GRIP1: variants seen among roughly 807,000 people sequenced by gnomAD.
The protein encoded by GRIP1 is glutamate receptor interacting protein 1.
GRIP1 carries 45 observed loss-of-function variants against 129.9 expected under a neutral mutation model. The observed-to-expected ratio is 0.35, with a 90% CI of 0.27 to 0.44. The LOEUF (loss-of-function observed/expected upper bound fraction) is 0.44, where lower values mean the gene tolerates loss of function less well. Ranked by LOEUF, GRIP1 falls within the 20% of genes least tolerant of loss-of-function variation. The pLI is 1.00. For missense variants in GRIP1, 1,196 were observed against 1,396.8 expected (o/e 0.86, Z 2.29); for synonymous variants, 530 against 520.8 (o/e 1.02, Z -0.24).
At chr12:66,730,058 T>C (rs2036384433) in intron 1 of GRIP1, among the ~76,000 whole-genome samples, 1 of 152,194 alleles carries the variant, frequency 6.6e-6, no homozygotes, top group African/African-American at 2.4e-5. Flanking sequence ...GAAAACTCTG[T>C]CTCCAATGCT....
At chr12:66,577,308 A>G (rs1047745829) in intron 2 of GRIP1, among the ~76,000 whole-genome samples, 28 of 152,230 alleles carry the variant, frequency 1.8e-4, no homozygotes, top group Non-Finnish European at 4.0e-4. Flanking sequence ...ACAGAGATGT[A>G]AAAAAGCAGG....
At chr12:66,936,353 G>C (rs2041483981) in intron 1 of GRIP1, among the ~76,000 whole-genome samples, 1 of 150,702 alleles carries the variant, frequency 6.6e-6, no homozygotes, top group African/African-American at 2.4e-5. Context: ...TTGAGCCCAG[G>C]AGGTAGAGGC....
chr12:66,889,998 C>T (rs1003950293), intron 1 of GRIP1, among the ~76,000 whole-genome samples: 26 of 151,990 alleles, frequency 1.7e-4, no homozygotes, highest in African/African-American at 3.9e-4. Flanking sequence ...GGTGTAATCA[C>T]GGCTCAATGT....
chr12:66,407,183 CTTT>C (rs1036064824), intron 15 of GRIP1, among the ~76,000 whole-genome samples: 7 of 152,150 alleles, frequency 4.6e-5, no homozygotes, highest in African/African-American at 1.7e-4. Flanking sequence ...CCCTTCCCTT[CTTT>C]TAAGTTACCC....
intron 1 of GRIP1, among the ~76,000 whole-genome samples, chr12:66,618,258 C>T (rs140184636): frequency 4.8e-4 from 73 of 152,224 alleles, no homozygotes; most frequent in African/African-American, 4.8e-5. Flanking sequence ...GTGGAAGCAG[C>T]GAAGTGCAGA....
chr12:66,634,055 T>C (rs529147567), intron 1 of GRIP1, among the ~76,000 whole-genome samples: 3 of 152,354 alleles, frequency 2.0e-5, no homozygotes, highest in African/African-American at 7.2e-5. Context: ...CTTTGTGTGT[T>C]GTGTTATACT....
intron 1 of GRIP1, among the ~76,000 whole-genome samples, chr12:66,951,408 A>ATGT (rs1566091944): frequency 7.2e-5 from 11 of 152,168 alleles, no homozygotes; most frequent in Non-Finnish European, 1.6e-4. Context: ...GCAGGAGGCA[A>ATGT]CAGGGCACAT....
intron 1 of GRIP1, among the ~76,000 whole-genome samples, chr12:66,695,512 G>C (rs530542809): frequency 1.3e-5 from 2 of 152,144 alleles, no homozygotes; most frequent in Non-Finnish European, 2.9e-5. Context: ...ACCACTAATG[G>C]GATTGATCCA....
In GRIP1 at chr12:66,782,216, C is replaced by T. The variant is rs117844473; in HGVS notation, c.-420+21837G>A. Among the ~76,000 whole-genome samples the T allele has an allele frequency of 4.4e-4, 67 of 152,160 alleles. No homozygotes were observed. In the East Asian group the frequency reaches 0.012, roughly 28 times the overall value. On this transcript the variant is annotated intron_variant, in intron 1 of 4. Coordinates refer to the GRIP1 transcript ENST00000538373. ...ATAAATGTTACACTTCAATAAAAAT[C>T]CTATATAGAAATGAACAGGTTTGTG...
chr12:66,396,557 C>T (rs956650997), intron 16 of GRIP1, among the ~76,000 whole-genome samples: 3 of 152,174 alleles, frequency 2.0e-5, no homozygotes, highest in Admixed American at 2.0e-4. Flanking sequence ...TAGTCTGTTT[C>T]AGGCTGCCTT....
intron 1 of GRIP1, among the ~76,000 whole-genome samples, chr12:66,604,338 T>C (rs1296764015): frequency 6.6e-6 from 1 of 152,246 alleles, no homozygotes; most frequent in Non-Finnish European, 1.5e-5. Flanking sequence ...GCCTCTGGCA[T>C]TCCTATTCCT....
At chr12:66,993,650 G>A (rs1188067325) in intron 1 of GRIP1, among the ~76,000 whole-genome samples, 2 of 151,824 alleles carry the variant, frequency 1.3e-5, no homozygotes, top group Non-Finnish European at 2.9e-5. Flanking sequence ...AATTAGCTGG[G>A]CATAGTGGTG....
intron 1 of GRIP1, among the ~76,000 whole-genome samples, chr12:66,837,709 G>C (rs1294555291): frequency 6.6e-6 from 1 of 152,216 alleles, no homozygotes; most frequent in African/African-American, 2.4e-5. Flanking sequence ...GCTGAAGAAA[G>C]TCTGTAGGGA....
chr12:66,776,898 TTAAAAA>T (rs1252320539), intron 1 of GRIP1, among the ~76,000 whole-genome samples: 3 of 151,958 alleles, frequency 2.0e-5, no homozygotes, highest in Non-Finnish European at 4.4e-5. Flanking sequence ...TCTAGAAAAA[TTAAAAA>T]TAGACATTGT....
chr12:67,009,432 A>T (rs1176823125), intron 1 of GRIP1, among the ~76,000 whole-genome samples: 1 of 152,166 alleles, frequency 6.6e-6, no homozygotes, highest in Non-Finnish European at 1.5e-5. Context: ...AAAGCAAAAC[A>T]GCTAGGAAGC....
intron 1 of GRIP1, among the ~76,000 whole-genome samples, chr12:66,857,597 A>G (rs2040030012): frequency 2.6e-5 from 4 of 151,786 alleles, no homozygotes; most frequent in Non-Finnish European, 5.9e-5. Context: ...GTTTTCCTCA[A>G]GCACAGAATT....
chr12:66,621,777 A>G (rs1322192835), intron 1 of GRIP1, among the ~76,000 whole-genome samples: 1 of 152,094 alleles, frequency 6.6e-6, no homozygotes, highest in Non-Finnish European at 1.5e-5. Flanking sequence ...CTGTTTTTTA[A>G]TAGCCATCCT....
chr12:66,691,865 GA>G (rs2034993746), intron 1 of GRIP1, among the ~76,000 whole-genome samples: 1 of 152,108 alleles, frequency 6.6e-6, no homozygotes, highest in South Asian at 2.1e-4. Context: ...CATGCTAATG[GA>G]AATGCACCAA....
At chr12:66,525,584 G>A (rs1380607413) in intron 5 of GRIP1, among the ~76,000 whole-genome samples, 1 of 151,292 alleles carries the variant, frequency 6.6e-6, no homozygotes, top group Non-Finnish European at 1.5e-5. Context: ...ATACTGAATG[G>A]GCAAAAACTG....
Sources: allele counts gnomAD v4.1 joint callset (sites outside exome capture counted in the v4.1 genomes callset), GRCh38; gene constraint gnomAD v4.1.1; transcripts MANE v1.5; gene names NCBI Gene and HGNC (gene_info 2026-07-23, HGNC 2026-07-21).